Variants in POU6F2 observed in about 807,000 individuals in gnomAD.
POU6F2 encodes the protein POU domain, class 6, transcription factor 2.
Under a neutral mutation model 71.3 loss-of-function variants are expected in POU6F2, and 31 were observed. The observed-to-expected ratio is 0.43, with a 90% confidence interval of 0.33 to 0.59. The LOEUF (loss-of-function observed/expected upper bound fraction) is 0.59, where lower values mean the gene tolerates loss of function less well. POU6F2 is among the 20% of genes least tolerant of loss of function. The probability of loss-of-function intolerance (pLI) is 0.04; values close to 1 mark genes in which losing one functional copy is unlikely to be tolerated. For synonymous variants in POU6F2, 347 were observed against 355.7 expected (o/e 0.98, Z 0.27); for missense variants, 783 against 856.8 (o/e 0.91, Z 1.07).
chr7:39,399,188 G>C (rs1787242691), intron 5 of POU6F2, among the ~76,000 whole-genome samples: 1 of 152,042 alleles, frequency 6.6e-6, no homozygotes, highest in Admixed American at 6.6e-5. Context: ...CTGCTTCCTG[G>C]CCAGCTTATT....
chr7:39,109,220 T>C (rs1278649278), intron 2 of POU6F2, among the ~76,000 whole-genome samples: 1 of 152,080 alleles, frequency 6.6e-6, no homozygotes, highest in African/African-American at 2.4e-5. Flanking sequence ...GGCTAATTTT[T>C]TGTAGAGACT....
At chr7:39,102,558 C>T (rs769903625) in intron 2 of POU6F2, among the ~76,000 whole-genome samples, 3 of 152,112 alleles carry the variant, frequency 2.0e-5, no homozygotes, top group Middle Eastern at 3.4e-3. Flanking sequence ...CCAATATTTA[C>T]TGAATATTAA....
At chr7:39,121,940 C>T (rs1035286598) in intron 2 of POU6F2, among the ~76,000 whole-genome samples, 6 of 152,170 alleles carry the variant, frequency 3.9e-5, no homozygotes, top group African/African-American at 1.4e-4. Context: ...ATCAAATGAT[C>T]CACCCGCATT....
At chr7:39,176,989 C>T (rs903607870) in intron 2 of POU6F2, among the ~76,000 whole-genome samples, 2 of 152,234 alleles carry the variant, frequency 1.3e-5, no homozygotes, top group Non-Finnish European at 2.9e-5. Flanking sequence ...CATCTCATGA[C>T]TTACTCTTCA....
intron 5 of POU6F2, among the ~76,000 whole-genome samples, chr7:39,375,194 AT>A (rs1439672416): frequency 1.3e-5 from 2 of 151,958 alleles, no homozygotes; most frequent in East Asian, 3.9e-4. Flanking sequence ...TTTGAGCCTA[AT>A]TTTTTTCCAT....
chr7:39,257,965 G>A (rs1282035568), intron 4 of POU6F2, among the ~76,000 whole-genome samples: 1 of 152,146 alleles, frequency 6.6e-6, no homozygotes, highest in South Asian at 2.1e-4. Context: ...AAGTACCAGT[G>A]CTTAATACTA....
chr7:39,185,460 C>A (rs1227410862), intron 2 of POU6F2, among the ~76,000 whole-genome samples: 1 of 151,986 alleles, frequency 6.6e-6, no homozygotes, highest in Non-Finnish European at 1.5e-5. Context: ...GACTTAAAAC[C>A]GAAGTTTATG....
intron 4 of POU6F2, among the ~76,000 whole-genome samples, chr7:39,255,327 A>G (rs2128753452): frequency 6.6e-6 from 1 of 152,336 alleles, no homozygotes; most frequent in Admixed American, 6.5e-5. Context: ...CCAAAACAGG[A>G]AAATTTAAAT....
intron 2 of POU6F2, among the ~76,000 whole-genome samples, chr7:39,160,221 T>C (rs976703502): frequency 6.6e-6 from 1 of 152,140 alleles, no homozygotes; most frequent in African/African-American, 2.4e-5. Flanking sequence ...ATTAAAATAA[T>C]TTACTAATTC....
intron 4 of POU6F2, among the ~76,000 whole-genome samples, chr7:39,245,537 T>C (rs1783805372): frequency 6.6e-6 from 1 of 152,204 alleles, no homozygotes; most frequent in Non-Finnish European, 1.5e-5. Context: ...CTTTTTACCT[T>C]CTTCTTAGAC....
intron 2 of POU6F2, among the ~76,000 whole-genome samples, chr7:39,148,957 G>A (rs1238942636): frequency 6.6e-6 from 1 of 152,174 alleles, no homozygotes; most frequent in Admixed American, 6.5e-5. Flanking sequence ...GGAAGGATGA[G>A]GGCATACTTT....
chr7:39,310,933 G>A (rs1320081586), intron 4 of POU6F2, among the ~76,000 whole-genome samples: 3 of 152,142 alleles, frequency 2.0e-5, no homozygotes, highest in Non-Finnish European at 4.4e-5. Context: ...GGACAATGGC[G>A]ACCTCAAGCC....
At chr7:39,006,836 A>G (rs1343585228) in intron 1 of POU6F2, 3 of 1,613,516 alleles carry the variant, frequency 1.9e-6, no homozygotes, top group Non-Finnish European at 1.7e-6. Flanking sequence ...TAATGATCCA[A>G]GAGGAAGTGG....
chr7:39,087,168 ATTT>A (rs1791271310), intron 2 of POU6F2, among the ~76,000 whole-genome samples: 1 of 108,086 alleles, frequency 9.3e-6, no homozygotes, highest in African/African-American at 4.1e-5. Context: ...TAATTTATTT[ATTT>A]ATTTATTTAT....
At chr7:39,362,500 GA>G (rs1464495808) in intron 5 of POU6F2, among the ~76,000 whole-genome samples, 3 of 152,050 alleles carry the variant, frequency 2.0e-5, no homozygotes, top group African/African-American at 7.2e-5. Context: ...ATCCTCTAGG[GA>G]ACTTTTTTCA....
chr7:39,441,228 C>CTTT (rs112828864), intron 7 of POU6F2, among the ~76,000 whole-genome samples: 1 of 140,090 alleles, frequency 7.1e-6, no homozygotes, highest in South Asian at 2.3e-4. Flanking sequence ...TAAAGCTTAG[C>CTTT]TTTTTTTTTT....
At chr7:38,999,855 CA>C (rs1261835257) in intron 1 of POU6F2, among the ~76,000 whole-genome samples, 1 of 152,120 alleles carries the variant, frequency 6.6e-6, no homozygotes, top group African/African-American at 2.4e-5. Flanking sequence ...GGGATCAATT[CA>C]ACAATCAGTC....
intron 4 of POU6F2, among the ~76,000 whole-genome samples, chr7:39,339,259 A>T (rs532098201): frequency 3.2e-4 from 49 of 152,252 alleles, no homozygotes; most frequent in African/African-American, 1.2e-3. Context: ...AAAACAACTA[A>T]ACTGGTTGGA....
chr7:39,364,311 G>A (rs899724587), intron 5 of POU6F2, among the ~76,000 whole-genome samples: 2 of 150,300 alleles, frequency 1.3e-5, no homozygotes, highest in Non-Finnish European at 3.0e-5. Context: ...GTGGTGTTTG[G>A]TTACATGAGT....
Sources: gnomAD v4.1 joint callset for allele counts (sites outside exome capture counted in the v4.1 genomes callset) on GRCh38, gnomAD v4.1.1 for gene constraint, MANE v1.5 for transcripts, NCBI Gene and HGNC (gene_info 2026-07-23, HGNC 2026-07-21) for gene names.